Variants in ERBB4 observed in about 807,000 individuals in gnomAD.
ERBB4 encodes the protein receptor tyrosine-protein kinase erbB-4.
Under a neutral mutation model 158.0 loss-of-function variants are expected in ERBB4, and 42 were observed. That is an observed-to-expected ratio of 0.27 (90% confidence interval 0.21 to 0.34). The LOEUF is 0.34. Ranked by LOEUF, ERBB4 falls within the 10% of genes least tolerant of loss-of-function variation. The pLI, the probability that ERBB4 is intolerant of heterozygous loss-of-function variation, is 1.00. For missense variants in ERBB4, 1,333 were observed against 1,624.1 expected, an observed-to-expected ratio of 0.82 and a Z score of 3.08; for synonymous variants, 583 against 558.7, an observed-to-expected ratio of 1.04 and a Z score of -0.61.
intron 20 of ERBB4, among the ~76,000 whole-genome samples, chr2:211,434,305 C>T (rs1034951947): frequency 1.3e-5 from 2 of 152,026 alleles, no homozygotes; most frequent in African/African-American, 2.4e-5. Context: ...ATTCTAGCCC[C>T]CAAAGTGATG....
intron 1 of ERBB4, among the ~76,000 whole-genome samples, chr2:212,473,792 G>T (rs1689235400): frequency 6.6e-6 from 1 of 151,948 alleles, no homozygotes; most frequent in Admixed American, 6.6e-5. Flanking sequence ...GAGTTCATAA[G>T]ATATCTAATA....
At chr2:212,434,837 C>T (rs1429456385) in intron 1 of ERBB4, among the ~76,000 whole-genome samples, 1 of 151,974 alleles carries the variant, frequency 6.6e-6, no homozygotes, top group East Asian at 1.9e-4. Flanking sequence ...TGCAGCTATT[C>T]TAACCTGCCT....
At chr2:211,800,587 G>C (rs2076476964) in intron 3 of ERBB4, among the ~76,000 whole-genome samples, 1 of 147,028 alleles carries the variant, frequency 6.8e-6, no homozygotes, top group African/African-American at 2.5e-5. Context: ...AGTCCTTTTT[G>C]AAAATATTTT....
chr2:211,415,262 G>T (rs1237128883), intron 25 of ERBB4, among the ~76,000 whole-genome samples: 2 of 151,756 alleles, frequency 1.3e-5, no homozygotes, highest in Non-Finnish European at 2.9e-5. Flanking sequence ...GACCACAGGC[G>T]CCCGCCACCA....
intron 20 of ERBB4, among the ~76,000 whole-genome samples, chr2:211,447,937 G>A (rs1173251106): frequency 6.6e-6 from 1 of 152,026 alleles, no homozygotes; most frequent in African/African-American, 2.4e-5. Context: ...TGGTGAGTAA[G>A]GAAGAACTTC....
At chr2:211,593,126 C>T (rs2068526536) in intron 19 of ERBB4, among the ~76,000 whole-genome samples, 1 of 151,958 alleles carries the variant, frequency 6.6e-6, no homozygotes, top group Admixed American at 6.6e-5. Context: ...GGCAAGGTGA[C>T]TCTAGCAGAA....
rs189597100 is a variant in ERBB4, at chr2:212,381,266, G to T, written c.82+157183C>A. Among the ~76,000 whole-genome samples the T allele has an allele frequency of 1.1e-4, 17 of 151,264 alleles. No individual in the cohort carries two copies. The South Asian group carries it at 2.9e-3, about 26-fold the overall frequency. On this transcript the variant is annotated intron_variant, in intron 1 of 27. Transcript: ENST00000342788. Reference sequence around the variant, plus strand: ...CAAAAAGTTAGATAAAAAGTCAAAGGTTGGCTCAAAAGAAGCAGTTGTACC... The same window carrying T: ...CAAAAAGTTAGATAAAAAGTCAAAGTTTGGCTCAAAAGAAGCAGTTGTACC...
chr2:211,529,773 A>T (rs998602428), intron 20 of ERBB4, among the ~76,000 whole-genome samples: 9 of 152,180 alleles, frequency 5.9e-5, no homozygotes, highest in African/African-American at 1.9e-4. Context: ...TTGAAGCTAA[A>T]AAAGTGTTTG....
intron 2 of ERBB4, among the ~76,000 whole-genome samples, chr2:211,977,897 T>C (rs1187949766): frequency 2.0e-5 from 3 of 147,810 alleles, no homozygotes; most frequent in South Asian, 2.1e-4. Flanking sequence ...AGTACTCAGT[T>C]AGAGGTTATA....
chr2:211,413,722 A>T (rs2063319543), intron 25 of ERBB4, among the ~76,000 whole-genome samples: 1 of 151,838 alleles, frequency 6.6e-6, no homozygotes, highest in Non-Finnish European at 1.5e-5. Context: ...GAGGCGATGC[A>T]GGATTTTTTT....
At chr2:212,218,109 T>A (rs1278985593) in intron 1 of ERBB4, among the ~76,000 whole-genome samples, 1 of 151,368 alleles carries the variant, frequency 6.6e-6, no homozygotes, top group Non-Finnish European at 1.5e-5. Flanking sequence ...TTCTTTACTA[T>A]AGCCTCAAAG....
intron 2 of ERBB4, among the ~76,000 whole-genome samples, chr2:212,022,019 AC>A (rs1360315485): frequency 6.6e-6 from 1 of 152,170 alleles, no homozygotes; most frequent in African/African-American, 2.4e-5. Flanking sequence ...AAGTCAAGAA[AC>A]AACAGATGCT....
intron 1 of ERBB4, among the ~76,000 whole-genome samples, chr2:212,287,545 G>T (rs1040035049): frequency 6.6e-6 from 1 of 151,744 alleles, no homozygotes; most frequent in Non-Finnish European, 1.5e-5. Flanking sequence ...CAAACAGGGG[G>T]TAACCTAACA....
intron 1 of ERBB4, among the ~76,000 whole-genome samples, chr2:212,351,487 T>A (rs2106341527): frequency 6.6e-6 from 1 of 152,298 alleles, no homozygotes; most frequent in African/African-American, 2.4e-5. Flanking sequence ...AGTGTGTCTT[T>A]CAGAGCTGAT....
chr2:212,318,916 T>C (rs1473775164), intron 1 of ERBB4, among the ~76,000 whole-genome samples: 2 of 151,606 alleles, frequency 1.3e-5, no homozygotes, highest in Admixed American at 6.6e-5. Flanking sequence ...CTACATGCCA[T>C]GGCTACAGAG....
chr2:211,859,120 T>C (rs2077949781), intron 3 of ERBB4, among the ~76,000 whole-genome samples: 1 of 152,196 alleles, frequency 6.6e-6, no homozygotes, highest in Non-Finnish European at 1.5e-5. Flanking sequence ...AATATTGTCC[T>C]CTGCCTCTGC....
intron 1 of ERBB4, among the ~76,000 whole-genome samples, chr2:212,267,209 T>C (rs550289274): frequency 6.6e-6 from 1 of 152,092 alleles, no homozygotes; most frequent in Admixed American, 6.6e-5. Context: ...TGAACATGCA[T>C]TTCAATAAAC....
Position 212,241,949 on chromosome 2 carries a change from C to T in ERBB4, c.83-117046G>A, listed in dbSNP as rs1239918955. Among the ~76,000 whole-genome samples, 7 of 151,744 alleles carry T rather than the reference C, an allele frequency of 4.6e-5. No individual in the cohort carries two copies. In the East Asian group the frequency reaches 1.4e-3, roughly 29 times the overall value. Reference sequence around the variant, plus strand: ...ACATTTATCAACACAAATGAGTCCACTAGAAATAGGAGTCATAATTTGATG... The same window carrying T: ...ACATTTATCAACACAAATGAGTCCATTAGAAATAGGAGTCATAATTTGATG... On this transcript the variant is annotated intron_variant, in intron 1 of 27. Transcript: ENST00000342788.
intron 1 of ERBB4, among the ~76,000 whole-genome samples, chr2:212,262,739 T>C (rs911662807): frequency 1.3e-5 from 2 of 152,164 alleles, no homozygotes; most frequent in Admixed American, 1.3e-4. Flanking sequence ...ATTGGATCCA[T>C]GGGCTCATAT....
Sources: allele counts gnomAD v4.1 joint callset (sites outside exome capture counted in the v4.1 genomes callset), GRCh38; gene constraint gnomAD v4.1.1; transcripts MANE v1.5; gene names NCBI Gene and HGNC (gene_info 2026-07-23, HGNC 2026-07-21).